Variants in PEX1 observed in about 807,000 individuals in gnomAD.
The protein encoded by PEX1 is peroxisomal biogenesis factor 1.
PEX1 carries 97 observed loss-of-function variants against 152.5 expected under a neutral mutation model. That is an observed-to-expected ratio of 0.64 (90% CI 0.54 to 0.75). The LOEUF is 0.75. Ranked by LOEUF, PEX1 falls within the 30% of genes least tolerant of loss-of-function variation. The probability of loss-of-function intolerance (pLI) is 0.00; values close to 1 mark genes in which losing one functional copy is unlikely to be tolerated. For missense variants in PEX1, 1,357 were observed against 1,516.3 expected (o/e 0.89, Z 1.74); for synonymous variants, 485 against 531.6 (o/e 0.91, Z 1.21).
chr7:92,517,951 T>C lies in PEX1; in HGVS notation c.564A>G (p.Thr188=). The change falls in exon 5 of 24, where the codon ACA becomes ACG. Residue 188 remains threonine (T), a synonymous_variant. Coordinates refer to ENST00000248633, the MANE Select transcript of PEX1 (RefSeq NM_000466.3). ...QPKTRRAKEN[T]FSKADAEYKK... Reference sequence around the variant, plus strand: ...TATATTCAGCATCAGCTTTTGAAAATGTATTCTCTTTGGCTCGGCGTGTCT... The same window carrying C: ...TATATTCAGCATCAGCTTTTGAAAACGTATTCTCTTTGGCTCGGCGTGTCT... The C allele has an allele frequency of 1.2e-6, 2 of 1,602,430 alleles. No homozygotes were observed. Among genetic ancestry groups the C allele is most frequent in the Non-Finnish European group, 1.7e-6 (2 of 1,175,682 alleles).
intron 19 of PEX1, 137 bp downstream of exon 19, chr7:92,494,156 G>C: frequency 1.4e-6 from 1 of 731,044 alleles, no homozygotes; most frequent in East Asian, 2.7e-5. Flanking sequence ...TTTATGCTTT[G>C]AGCAAACAGT....
chr7:92,504,838 C>T lies in PEX1; in HGVS notation c.1965G>A (p.Gln655=), dbSNP rs1792105197. 1 of 1,613,870 alleles carries T rather than the reference C, an allele frequency of 6.2e-7. No homozygotes were observed. Among genetic ancestry groups the T allele is most frequent in the East Asian group, 2.2e-5 (1 of 44,884 alleles). ...GGTCATCCAGCAGGACAACAGATGG[C>T]TGCATCCACACTGCCTCTGAGAAAG... is the stretch of plus-strand genomic sequence containing the variant. ...EVAFSEAVWM[Q]PSVVLLDDLD... Residue 655 remains glutamine (Q), a synonymous_variant, in exon 12 of 24, where the codon CAG becomes CAA. Transcript: ENST00000248633.
rs139389220 is a variant in PEX1 at position 92,511,852 on chromosome 7, G to C, written c.1360-149C>G. The C allele has an allele frequency of 7.6e-4, 547 of 721,938 alleles. No homozygotes were observed. The African/African-American group carries it at 9.2e-3, about 12-fold the overall frequency. 44.7% of individuals were successfully genotyped at this position (721,938 alleles called of 1,614,324 possible). Reference sequence around the variant, plus strand: ...TTCATGTTCTATAGGCACAGGTCTGGGATTTGACATTACAGTTAGCACAAT... The same window carrying C: ...TTCATGTTCTATAGGCACAGGTCTGCGATTTGACATTACAGTTAGCACAAT... On this transcript the variant is annotated intron_variant, in intron 6 of 23. Coordinates refer to ENST00000248633, the MANE Select transcript of PEX1 (RefSeq NM_000466.3).
chr7:92,517,794 ATGATGAGTCAACTGG>A lies in PEX1; in HGVS notation c.706_720del (p.Pro236_Ser240del), dbSNP rs754890130. The A allele has an allele frequency of 3.2e-5, 50 of 1,563,654 alleles. No homozygotes were observed. Among genetic ancestry groups the A allele is most frequent in the Middle Eastern group, 1.7e-4 (1 of 5,780 alleles). ...ATCATAGTCCATAAACTTGCTACTG[ATGATGAGTCAACTGG>A]AATCTCTGACTCGTTTTCATTAGAT... On this transcript the variant is annotated inframe_deletion, in exon 5 of 24. Coordinates refer to ENST00000248633, the MANE Select transcript of PEX1 (RefSeq NM_000466.3).
intron 20 of PEX1, among the ~76,000 whole-genome samples, chr7:92,492,517 G>A (rs753228394): frequency 5.9e-5 from 9 of 152,128 alleles, no homozygotes; most frequent in Non-Finnish European, 1.2e-4. Flanking sequence ...AGAATGATGA[G>A]GACATGTCAT....
rs746561219 is a variant in PEX1 at position 92,511,668 on chromosome 7, T to C, written c.1395A>G (p.Val465=). The C allele has an allele frequency of 3.1e-6, 5 of 1,611,538 alleles. No homozygotes were observed. Among genetic ancestry groups the C allele is most frequent in the South Asian group, 1.1e-5 (1 of 91,026 alleles). Residue 465 remains valine, a synonymous_variant, in exon 7 of 24, where the codon GTA becomes GTG. Coordinates refer to ENST00000248633, the MANE Select transcript of PEX1 (RefSeq NM_000466.3). ...TAGACTGCTGTAGCCATGAATAAAATACAGTTTTTATGTCTTCTTCACTTA... is the reference window on the plus strand; with the variant it reads ...TAGACTGCTGTAGCCATGAATAAAACACAGTTTTTATGTCTTCTTCACTTA... ...KDISEEDIKT[V]FYSWLQQSTT...
chr7:92,513,863 T>C lies in PEX1; in HGVS notation c.1344A>G (p.Gln448=). 6.3e-7 allele frequency: 1 copy of C among 1,599,782 alleles called. No homozygotes were observed. The highest frequency in any genetic ancestry group is 1.1e-5 in the South Asian group (1 of 90,590). The change falls in exon 6 of 24, where the codon CAA becomes CAG. Residue 448 remains glutamine, a synonymous_variant. Transcript: ENST00000248633. ...TTGAACTCACTAAATTCTCTCTAGG[T>C]TGTAACTTTAGAGATCTTGGAATTT... ...TPKIPRSLKL[Q]PRENLPKDIS...
chr7:92,512,400 T>C (rs1585245999), intron 6 of PEX1, among the ~76,000 whole-genome samples: 1 of 152,184 alleles, frequency 6.6e-6, no homozygotes, highest in African/African-American at 2.4e-5. Flanking sequence ...CTCACTGCAG[T>C]GTGGAACTCC....
chr7:92,499,987 TACAA>T, intron 15 of PEX1, 149 bp from the exon 16 acceptor site: 1 of 653,860 alleles, frequency 1.5e-6, no homozygotes, highest in Non-Finnish European at 2.6e-6. Flanking sequence ...CAGTAGAAAA[TACAA>T]TTCCTACTAA....
chr7:92,519,354 A>G (rs1389224549), intron 2 of PEX1, among the ~76,000 whole-genome samples: 1 of 152,152 alleles, frequency 6.6e-6, no homozygotes, highest in Non-Finnish European at 1.5e-5. Context: ...CCTCCTGGGT[A>G]GCTGGGAAAA....
intron 15 of PEX1, 71 bp from the exon 16 acceptor site, chr7:92,499,909 G>T: frequency 7.9e-7 from 1 of 1,271,216 alleles, no homozygotes; most frequent in Non-Finnish European, 1.1e-6. Context: ...AGCAGCTAAA[G>T]ATCAATGTAT....
chr7:92,487,702 A>T (rs1353258477), intron 23 of PEX1, among the ~76,000 whole-genome samples, 161 bp from the exon 24 acceptor site: 1 of 152,202 alleles, frequency 6.6e-6, no homozygotes, highest in Admixed American at 6.5e-5. Context: ...AATTCTTACA[A>T]ATAAAGTTGC....
At chr7:92,527,689 T>G (rs543678569) in intron 1 of PEX1, among the ~76,000 whole-genome samples, 1 of 152,356 alleles carries the variant, frequency 6.6e-6, no homozygotes, top group Admixed American at 6.5e-5. Flanking sequence ...GGACGCTGTA[T>G]CTCCACCAGT....
In PEX1 at chr7:92,510,972, G is replaced by C. The variant is rs1792433503; in HGVS notation, c.1559C>G (p.Pro520Arg). Residue 520 changes from proline (P) to arginine (R), a missense_variant, in exon 8 of 24, where the codon CCC becomes CGC. Physicochemically the swap from Pro to Arg is moderately radical, Grantham distance 103 (BLOSUM62 -2). Coordinates refer to ENST00000248633, the MANE Select transcript of PEX1 (RefSeq NM_000466.3). ...TATTGTAGTCTTCTGCAGCAAATTG[G>C]GACTCAACAGAAAAATATTTTTATC... is the stretch of plus-strand genomic sequence containing the variant. ...EKDKNIFLLS[P>R]NLLQKTTIQV... is the part of the protein sequence containing the mutation. The C allele has an allele frequency of 6.4e-7, 1 of 1,565,896 alleles. No individual in the cohort carries two copies. Among genetic ancestry groups the C allele is most frequent in the East Asian group, 2.2e-5 (1 of 44,508 alleles).
chr7:92,487,414 C>T lies in PEX1; in HGVS notation c.*43G>A. ...TTTCCTGTTACAACATATGGAAAAG[C>T]CATCAAAAAACTTAACAGAACCAAA... On this transcript the variant is annotated 3_prime_UTR_variant, in exon 24 of 24. Coordinates refer to ENST00000248633, the MANE Select transcript of PEX1 (RefSeq NM_000466.3). The T allele has an allele frequency of 1.0e-6, 1 of 994,570 alleles. No homozygotes were observed. Among genetic ancestry groups the T allele is most frequent in the Non-Finnish European group, 1.6e-6 (1 of 634,648 alleles). The allele number at this position is 994,570 out of a possible 1,614,324, so 61.6% of individuals were successfully genotyped here.
At chr7:92,508,366 A>G (rs1358535894) in intron 9 of PEX1, among the ~76,000 whole-genome samples, 2 of 151,962 alleles carry the variant, frequency 1.3e-5, no homozygotes, top group African/African-American at 4.8e-5. Context: ...GTGAAACCCC[A>G]TCTCTACTAA....
At position 92,500,555 on chromosome 7, in the gene PEX1, C is replaced by A. The variant is rs115170099; in HGVS notation, c.2584-717G>T. ...TGATGCCCCATCCCAGCATCGGGGTCATGATCCTGCTAGCTAGTACTTCCA... is the reference window on the plus strand; with the variant it reads ...TGATGCCCCATCCCAGCATCGGGGTAATGATCCTGCTAGCTAGTACTTCCA... On this transcript the variant is annotated intron_variant, in intron 15 of 23. Coordinates refer to ENST00000248633, the MANE Select transcript of PEX1 (RefSeq NM_000466.3). 7.3e-3 allele frequency among the ~76,000 whole-genome samples: 1,107 copies of A among 152,344 alleles called. 15 individuals are homozygous for A. The highest frequency in any genetic ancestry group is 0.025 in the African/African-American group (1,052 of 41,576).
In PEX1 at chr7:92,501,898, G is replaced by A. The variant is rs750911436; in HGVS notation, c.2408C>T (p.Thr803Ile). The part of the protein sequence containing the change: ...HSRLSRQSIS[T>I]REKLVLTTLD... ...TTAATAGTAAAACATACTTTCTCTG[G>A]TGGATATACTCTGACGAGAGAGTCG... The change falls in exon 14 of 24, where the codon ACC becomes ATC. Residue 803 changes from threonine (T) to isoleucine (I), a missense_variant. Physicochemically the swap from Thr to Ile is moderately conservative, Grantham distance 89. Coordinates refer to ENST00000248633, the MANE Select transcript of PEX1 (RefSeq NM_000466.3). 24 of 1,612,876 alleles carry A rather than the reference G, an allele frequency of 1.5e-5. No homozygotes were observed. The highest frequency in any genetic ancestry group is 2.0e-5 in the Non-Finnish European group (23 of 1,179,024).
At chr7:92,489,270 C>T in intron 23 of PEX1, 23 bp downstream of exon 23, 1 of 1,606,978 alleles carries the variant, frequency 6.2e-7, no homozygotes, top group Non-Finnish European at 8.5e-7. Context: ...AGCTGTACTT[C>T]CAAAACAGAA....
Sources: allele counts gnomAD v4.1 joint callset (sites outside exome capture counted in the v4.1 genomes callset), GRCh38; gene constraint gnomAD v4.1.1; transcripts MANE v1.5; gene names NCBI Gene and HGNC (gene_info 2026-07-23, HGNC 2026-07-21).